Variants in NRXN1 observed in about 807,000 individuals in gnomAD.
NRXN1 encodes neurexin 1.
Under a neutral mutation model 150.9 loss-of-function variants are expected in NRXN1, and 39 were observed. The observed-to-expected ratio is 0.26, with a 90% CI of 0.20 to 0.34. NRXN1 has a LOEUF of 0.34. NRXN1 is among the 10% of genes least tolerant of loss of function. NRXN1 has a pLI of 1.00. For synonymous variants in NRXN1, 924 were observed against 757.0 expected, an observed-to-expected ratio of 1.22 and a Z score of -3.62; for missense variants, 1,815 against 1,949.9, an observed-to-expected ratio of 0.93 and a Z score of 1.30.
chr2:50,507,239 C>A (rs751960787), intron 12 of NRXN1, among the ~76,000 whole-genome samples: 3 of 152,072 alleles, frequency 2.0e-5, no homozygotes, highest in African/African-American at 7.2e-5. Flanking sequence ...AATGTTGAGT[C>A]TAAAAAACAC....
chr2:50,068,534 C>T (rs1695715673), intron 19 of NRXN1, among the ~76,000 whole-genome samples: 1 of 152,128 alleles, frequency 6.6e-6, no homozygotes, highest in African/African-American at 2.4e-5. Flanking sequence ...ATCTTGGCTT[C>T]AATATTGACT....
At chr2:50,301,687 G>A in intron 17 of NRXN1, among the ~76,000 whole-genome samples, 1 of 152,142 alleles carries the variant, frequency 6.6e-6, no homozygotes. Flanking sequence ...TGGCATGTCA[G>A]CTACTGCTGA....
intron 18 of NRXN1, among the ~76,000 whole-genome samples, chr2:50,219,943 T>TTA (rs1375691467): frequency 4.0e-5 from 3 of 75,500 alleles, no homozygotes; most frequent in South Asian, 3.2e-4. Flanking sequence ...ATATTATATA[T>TTA]TATATATATA....
At chr2:50,119,579 A>AC (rs1230180836) in intron 18 of NRXN1, among the ~76,000 whole-genome samples, 2 of 150,308 alleles carry the variant, frequency 1.3e-5, no homozygotes, top group African/African-American at 4.9e-5. Context: ...AAAAAAAAAA[A>AC]CTATCATTTG....
intron 5 of NRXN1, among the ~76,000 whole-genome samples, chr2:50,654,502 G>C (rs565757563): frequency 2.2e-4 from 34 of 152,074 alleles, no homozygotes; most frequent in African/African-American, 8.0e-4. Context: ...GTGTGCATGT[G>C]TCTTTATAGC....
chr2:50,638,693 A>G (rs1683595650), intron 5 of NRXN1, among the ~76,000 whole-genome samples: 2 of 152,102 alleles, frequency 1.3e-5, no homozygotes, highest in South Asian at 4.1e-4. Flanking sequence ...TAAACCAAAT[A>G]CCATATTAAA....
intron 17 of NRXN1, among the ~76,000 whole-genome samples, chr2:50,416,426 C>T (rs1332277866): frequency 6.6e-6 from 1 of 152,064 alleles, no homozygotes; most frequent in African/African-American, 2.4e-5. Flanking sequence ...CAGGTGACCT[C>T]CCCAAATATC....
chr2:50,125,501 T>C (rs1704452892), intron 18 of NRXN1, among the ~76,000 whole-genome samples: 1 of 152,058 alleles, frequency 6.6e-6, no homozygotes, highest in Non-Finnish European at 1.5e-5. Flanking sequence ...CTATTTCTTT[T>C]TCAAGAATTT....
intron 2 of NRXN1, among the ~76,000 whole-genome samples, chr2:50,992,556 A>G (rs1268063130): frequency 6.6e-6 from 1 of 152,002 alleles, no homozygotes; most frequent in Non-Finnish European, 1.5e-5. Flanking sequence ...ACTACCTATT[A>G]TGACAATAAG....
At chr2:50,756,326 G>A (rs1479886769) in intron 5 of NRXN1, among the ~76,000 whole-genome samples, 1 of 151,452 alleles carries the variant, frequency 6.6e-6, no homozygotes, top group Non-Finnish European at 1.5e-5. Flanking sequence ...AAAACTCAGA[G>A]CATAGCAAAG....
Position 50,924,355 on chromosome 2 carries a change from T to A in NRXN1, c.790+1583A>T, listed in dbSNP as rs373477861. Among the ~76,000 whole-genome samples the A allele has an allele frequency of 6.0e-5, 9 of 151,250 alleles. No homozygotes were observed. The South Asian group carries it at 1.9e-3, about 32-fold the overall frequency. ...ATTGAACAGACTTTATTACAATAGC[T>A]TATGGGCCTATATTCTAAAAATAAA... On this transcript the variant is annotated intron_variant, in intron 3 of 22. Transcript: ENST00000401669.
At chr2:50,556,225 A>T (rs533837496) in intron 8 of NRXN1, among the ~76,000 whole-genome samples, 4 of 152,254 alleles carry the variant, frequency 2.6e-5, no homozygotes, top group South Asian at 4.1e-4. Flanking sequence ...AATGAACTGA[A>T]TCTAGTTCAA....
chr2:50,521,458 G>C (rs565879186), intron 12 of NRXN1, among the ~76,000 whole-genome samples: 1 of 152,110 alleles, frequency 6.6e-6, no homozygotes, highest in Non-Finnish European at 1.5e-5. Flanking sequence ...TAGCCTTTTA[G>C]TATTTCTTAT....
chr2:50,230,197 A>T (rs1204163559), intron 18 of NRXN1, among the ~76,000 whole-genome samples: 1 of 152,054 alleles, frequency 6.6e-6, no homozygotes, highest in Non-Finnish European at 1.5e-5. Context: ...ATTTGAAAAA[A>T]CTGTTCAATG....
intron 5 of NRXN1, among the ~76,000 whole-genome samples, chr2:50,838,296 C>T (rs938386503): frequency 5.9e-5 from 9 of 151,820 alleles, no homozygotes; most frequent in African/African-American, 2.2e-4. Context: ...AAGCTCATTG[C>T]GTGTGGATGA....
chr2:50,216,117 A>G (rs2063380820), intron 18 of NRXN1, among the ~76,000 whole-genome samples: 1 of 151,992 alleles, frequency 6.6e-6, no homozygotes, highest in Non-Finnish European at 1.5e-5. Context: ...ACACTTAGGG[A>G]GGCTGAGGCA....
intron 17 of NRXN1, among the ~76,000 whole-genome samples, chr2:50,420,086 T>C (rs947786051): frequency 1.3e-5 from 2 of 152,040 alleles, no homozygotes; most frequent in Admixed American, 1.3e-4. Flanking sequence ...AGAATTCTCC[T>C]CTTTTTACAA....
chr2:50,454,221 G>A (rs2087285798), intron 17 of NRXN1, among the ~76,000 whole-genome samples: 1 of 152,168 alleles, frequency 6.6e-6, no homozygotes, highest in African/African-American at 2.4e-5. Context: ...AGCTCCTTGG[G>A]AGGCTGAGGC....
intron 5 of NRXN1, among the ~76,000 whole-genome samples, chr2:50,872,289 G>A (rs1203690682): frequency 2.0e-5 from 3 of 151,806 alleles, no homozygotes; most frequent in Admixed American, 1.3e-4. Flanking sequence ...TGTAATAATG[G>A]TGATTGTACA....
Sources: gnomAD v4.1 joint callset for allele counts (sites outside exome capture counted in the v4.1 genomes callset) on GRCh38, gnomAD v4.1.1 for gene constraint, MANE v1.5 for transcripts, NCBI Gene and HGNC (gene_info 2026-07-23, HGNC 2026-07-21) for gene names.